The following HELZ2 variants were observed in gnomAD, a reference collection of about 807,000 sequenced individuals.
The protein encoded by HELZ2 is helicase with zinc finger 2, also known as 3'-5' exoribonuclease HELZ2.
HELZ2 carries 143 observed loss-of-function variants against 208.8 expected under a neutral mutation model. That is an observed-to-expected ratio of 0.68 (90% CI 0.60 to 0.79). The LOEUF (loss-of-function observed/expected upper bound fraction) is 0.79, where lower values mean the gene tolerates loss of function less well. HELZ2 is among the 30% of genes least tolerant of loss of function. The pLI is 0.00. For synonymous variants in HELZ2, 1,705 were observed against 1,693.7 expected, an observed-to-expected ratio of 1.01 and a Z score of -0.16; for missense variants, 3,690 against 3,794.5, an observed-to-expected ratio of 0.97 and a Z score of 0.72.
intron 12 of HELZ2, 41 bp from the exon 14 acceptor site, chr20:63,561,507 A>G (rs1397518777): frequency 6.3e-7 from 1 of 1,581,558 alleles, no homozygotes. Flanking sequence ...ACGCAGGGCC[A>G]TCACGGGGGC....
chr20:63,564,026 A>C, exon 8 of HELZ2: 2 of 1,605,154 alleles, frequency 1.2e-6, no homozygotes, highest in Non-Finnish European at 1.7e-6. Flanking sequence ...GAGGGAGGCC[A>C]GGAGGTGCAG....
chr20:63,562,547 T>G (rs756227298), exon 8 of HELZ2: 5 of 1,594,118 alleles, frequency 3.1e-6, no homozygotes, highest in Non-Finnish European at 4.3e-6. Context: ...GGGCAGCAGC[T>G]CAACGGTGAA....
Position 63,568,408 on chromosome 20 carries a change from CTCCAGGGAGGCCAT to C in HELZ2, c.1666_1679del (p.Met556GlyfsTer6). On this transcript the variant is annotated frameshift_variant, in exon 5 of 19. Transcript: ENST00000467148. LOFTEE classifies it high-confidence loss of function. The stretch of plus-strand genomic sequence containing the variant: ...CCTTGGTTTCAGGCCTCCGGATGAC[CTCCAGGGAGGCCAT>C]GGCCAGCGTGTAGGTCTTGCCGGTG... 6.2e-7 allele frequency: 1 copy of C among 1,609,948 alleles called. No individual in the cohort carries two copies. The highest frequency in any genetic ancestry group is 8.5e-7 in the Non-Finnish European group (1 of 1,179,088).
Position 63,564,933 on chromosome 20 carries a change from G to A in HELZ2, c.3889C>T (p.Leu1297Phe), listed in dbSNP as rs749734238. Reference sequence around the variant, plus strand: ...CTGTACTCCAGGCCGAGGATGCGGAGGCCCTGCTCCCAGGTGCTGGCCTCA... The same window carrying A: ...CTGTACTCCAGGCCGAGGATGCGGAAGCCCTGCTCCCAGGTGCTGGCCTCA... Residue 1297 changes from leucine (L) to phenylalanine (F), a missense_variant, in exon 8 of 19, where the codon CTC becomes TTC. Physicochemically the swap from Leu to Phe is conservative, Grantham distance 22. This residue lies in a region of HELZ2 where 2,564 missense variants were observed against 2,580.5 expected (regional missense o/e 0.99). Transcript: ENST00000467148. 310 of 1,611,100 alleles carry A rather than the reference G, an allele frequency of 1.9e-4. No individual in the cohort carries two copies. Among genetic ancestry groups the A allele is most frequent in the South Asian group, 3.2e-4 (29 of 91,002 alleles).
At chr20:63,558,449 T>A (rs2082838477), downstream of HELZ2, 1 of 151,792 alleles carries the variant, frequency 6.6e-6, no homozygotes, top group Non-Finnish European at 1.5e-5. Context: ...ACACAGGCGG[T>A]GATGGTGGGA....
exon 6 of HELZ2, chr20:63,567,332 C>G (rs775750060): frequency 6.2e-7 from 1 of 1,607,564 alleles, no homozygotes; most frequent in Non-Finnish European, 8.5e-7. Flanking sequence ...GTGAGGGCCT[C>G]GCACTCCAGC....
chr20:63,567,171 G>C, exon 6 of HELZ2: 5 of 1,609,352 alleles, frequency 3.1e-6, no homozygotes, highest in African/African-American at 1.3e-5. Context: ...GCGCCACCTC[G>C]TGAGTCTCCT....
At chr20:63,559,871 G>A (rs1228222165) in intron 18 of HELZ2, 57 bp downstream of exon 19, 2 of 1,575,646 alleles carry the variant, frequency 1.3e-6, no homozygotes, top group Admixed American at 3.4e-5. Flanking sequence ...CAGCTCCCTA[G>A]CCCAGCCCTG....
At chr20:63,561,328 C>T (rs201729759) in intron 13 of HELZ2, 22 bp downstream of exon 14, 76 of 1,612,388 alleles carry the variant, frequency 4.7e-5, no homozygotes, top group East Asian at 1.6e-4. Flanking sequence ...GGCAGCTCCA[C>T]CCCCTGGCCC....
chr20:63,567,964 A>G, intron 5 of HELZ2: 2 of 536,830 alleles, frequency 3.7e-6, no homozygotes, highest in Non-Finnish European at 6.6e-6. Context: ...CAGGGATGGG[A>G]AGGCCCCGGC....
chr20:63,564,212 G>A (rs757011540), exon 8 of HELZ2: 1 of 1,611,798 alleles, frequency 6.2e-7, no homozygotes, highest in Non-Finnish European at 8.5e-7. Context: ...CAGGAACTCA[G>A]CCACGAGCCT....
exon 8 of HELZ2, chr20:63,564,645 C>G (rs1373735388): frequency 2.6e-6 from 4 of 1,566,600 alleles, no homozygotes; most frequent in South Asian, 1.2e-5. Flanking sequence ...AACGCAGCGC[C>G]CTGCCTTCGC....
chr20:63,571,153 C>T, intron 1 of HELZ2: 1 of 398,336 alleles, frequency 2.5e-6, no homozygotes, highest in Non-Finnish European at 4.5e-6. Flanking sequence ...CGGTGGGCTC[C>T]TGCCCCGCTC....
At chr20:63,560,898 C>T (rs142851871) in exon 15 of HELZ2, 66 of 1,613,074 alleles carry the variant, frequency 4.1e-5, no homozygotes, top group Middle Eastern at 1.6e-4. Context: ...GACCACAGGC[C>T]GCAGCTGCTT....
exon 8 of HELZ2, chr20:63,563,014 G>A (rs775391563): frequency 2.6e-5 from 41 of 1,600,582 alleles, no homozygotes; most frequent in Middle Eastern, 1.7e-4. Context: ...CATCCACGTC[G>A]CGGTACCGGT....
At chr20:63,564,775 G>A (rs747817298) in exon 8 of HELZ2, 60 of 1,611,818 alleles carry the variant, frequency 3.7e-5, no homozygotes, top group Non-Finnish European at 4.9e-5. Flanking sequence ...GGTTGCAGGC[G>A]CCCTGGGGGT....
chr20:63,569,367 T>G (rs2082995844), exon 4 of HELZ2: 1 of 1,607,114 alleles, frequency 6.2e-7, no homozygotes, highest in Non-Finnish European at 8.5e-7. Flanking sequence ...GCGCTCCATC[T>G]CCTCAGGGTG....
chr20:63,560,824 C>T lies in HELZ2; in HGVS notation c.7252G>A (p.Ala2418Thr), dbSNP rs766213177. Residue 2418 changes from alanine to threonine, a missense_variant, in exon 15 of 19, where the codon GCA becomes ACA. Physicochemically the swap from Ala to Thr is moderately conservative, Grantham distance 58. Around this residue, in one of 3 missense-constraint regions of HELZ2, gnomAD observed 2,564 missense variants for 2,580.5 expected, o/e 0.99. Transcript: ENST00000467148. ...CGGTACTGAGTGTCCAGCATATGTG[C>T]GTCCTCGTGGTACCGCTCGAACAGA... 4.0e-5 allele frequency: 65 copies of T among 1,612,716 alleles called. No homozygotes were observed. In the South Asian group the frequency reaches 4.8e-4, roughly 12 times the overall value.
chr20:63,565,590 G>A (rs780657244), exon 8 of HELZ2: 2 of 1,609,412 alleles, frequency 1.2e-6, no homozygotes, highest in Non-Finnish European at 1.7e-6. Context: ...TCGTCCAGAA[G>A]CTCCCGTAGG....
Sources: gnomAD v4.1 joint callset for allele counts on GRCh38, gnomAD v4.1.1 for gene constraint, gnomAD v4.1.1 regional missense constraint, MANE v1.5 for transcripts, NCBI Gene and HGNC (gene_info 2026-07-23, HGNC 2026-07-21) for gene names.